RGSL1: variants seen among roughly 807,000 people sequenced by gnomAD.
RGSL1 encodes regulator of G protein signaling like 1.
RGSL1 carries 97 observed loss-of-function variants against 124.7 expected under a neutral mutation model. The ratio of observed to expected loss-of-function variants is 0.78; its 90% confidence interval spans 0.66 to 0.92. The LOEUF (loss-of-function observed/expected upper bound fraction) is 0.92. RGSL1 is among the 40% of genes least tolerant of loss of function. The probability of loss-of-function intolerance (pLI) is 0.00; values close to 1 mark genes in which losing one functional copy is unlikely to be tolerated. For missense variants in RGSL1, 1,233 were observed against 1,288.4 expected (o/e 0.96, Z 0.66); for synonymous variants, 424 against 438.1 (o/e 0.97, Z 0.40).
intron 3 of RGSL1, 88 bp from the exon 4 acceptor site, chr1:182,459,916 A>G: frequency 6.9e-7 from 1 of 1,455,096 alleles, no homozygotes. Flanking sequence ...TGCAAGTGTG[A>G]GGTGATTAGT....
intron 6 of RGSL1, among the ~76,000 whole-genome samples, chr1:182,483,377 A>G (rs541092748): frequency 6.6e-6 from 1 of 152,282 alleles, no homozygotes; most frequent in East Asian, 1.9e-4. Context: ...AGAGACATCA[A>G]GTTGTATACA....
intron 9 of RGSL1, among the ~76,000 whole-genome samples, chr1:182,519,994 A>G (rs1165967460): frequency 6.6e-6 from 1 of 152,106 alleles, no homozygotes. Context: ...TTTAAAGTTC[A>G]TATTTGACTT....
chr1:182,517,460 ATCT>A (rs1038419545), intron 9 of RGSL1, among the ~76,000 whole-genome samples: 1 of 151,982 alleles, frequency 6.6e-6, no homozygotes, highest in Non-Finnish European at 1.5e-5. Flanking sequence ...TTTTAAATAA[ATCT>A]TCTATCCCTT....
intron 6 of RGSL1, among the ~76,000 whole-genome samples, chr1:182,487,387 C>T (rs535044844): frequency 1.3e-5 from 2 of 152,304 alleles, no homozygotes; most frequent in Non-Finnish European, 2.9e-5. Flanking sequence ...CTTCCCCATC[C>T]CTGGGCTCTT....
intron 9 of RGSL1, among the ~76,000 whole-genome samples, chr1:182,518,657 T>C (rs1351360935): frequency 6.6e-6 from 1 of 152,198 alleles, no homozygotes. Context: ...ATCTCACTTT[T>C]TGCATTGTAG....
chr1:182,458,385 T>C lies in RGSL1; in HGVS notation c.163T>C (p.Cys55Arg). 1.3e-6 allele frequency: 2 copies of C among 1,551,630 alleles called. No individual in the cohort carries two copies. The highest frequency in any genetic ancestry group is 1.2e-5 in the South Asian group (1 of 84,042). The change falls in exon 3 of 22, where the codon TGT becomes CGT. Residue 55 changes from cysteine (C) to arginine (R), a missense_variant. Cys to Arg is a radical substitution (Grantham distance 180). Transcript: ENST00000294854. ...GTGGAGCTTGTGGCCAGAAATACCT[T>C]GTAACTTGGTGAGTAAAATTCTTCA... ...SQWSLWPEIP[C>R]NLIAKYKGLL... is the part of the protein sequence containing the mutation.
chr1:182,457,259 C>T (rs1460639706), intron 2 of RGSL1, among the ~76,000 whole-genome samples: 1 of 152,180 alleles, frequency 6.6e-6, no homozygotes, highest in Non-Finnish European at 1.5e-5. Context: ...GATGTGTTTT[C>T]CACATTAGCC....
chr1:182,478,430 G>A (rs1050903226), intron 6 of RGSL1, among the ~76,000 whole-genome samples: 3 of 152,176 alleles, frequency 2.0e-5, no homozygotes, highest in African/African-American at 7.2e-5. Flanking sequence ...TCAATAAAGA[G>A]CTTCAACAGC....
intron 9 of RGSL1, among the ~76,000 whole-genome samples, chr1:182,508,588 T>C (rs1476389475): frequency 6.6e-6 from 1 of 151,762 alleles, no homozygotes; most frequent in Non-Finnish European, 1.5e-5. Context: ...CGTGAGCCAC[T>C]GCACCCGGCT....
At chr1:182,483,166 C>A (rs1417148831) in intron 6 of RGSL1, among the ~76,000 whole-genome samples, 1 of 152,052 alleles carries the variant, frequency 6.6e-6, no homozygotes, top group African/African-American at 2.4e-5. Context: ...GATAAATTTA[C>A]TGTACAACAT....
rs1165596759 is a variant in RGSL1, at chr1:182,540,316, A to G, written c.2564A>G (p.Gln855Arg). Reference protein sequence around the residue: ...PPSTNVRSADQENGEITLVKR... With the variant: ...PPSTNVRSADRENGEITLVKR... ...TCCACAAATGTCCGGAGTGCAGACCAAGAGAATGGAGAAATAACCCTTGTA... is the reference window on the plus strand; with the variant it reads ...TCCACAAATGTCCGGAGTGCAGACCGAGAGAATGGAGAAATAACCCTTGTA... Residue 855 changes from glutamine to arginine, a missense_variant, in exon 15 of 22, where the codon CAA becomes CGA. Physicochemically the swap from Gln to Arg is conservative, Grantham distance 43 (BLOSUM62 1). Coordinates refer to ENST00000294854, the MANE Select transcript of RGSL1 (RefSeq NM_001137669.2). The G allele has an allele frequency of 6.4e-7, 1 of 1,551,602 alleles. No homozygotes were observed. Among genetic ancestry groups the G allele is most frequent in the Non-Finnish European group, 8.7e-7 (1 of 1,146,840 alleles).
At chr1:182,508,114 C>T (rs2102176247) in intron 9 of RGSL1, among the ~76,000 whole-genome samples, 1 of 152,178 alleles carries the variant, frequency 6.6e-6, no homozygotes, top group East Asian at 1.9e-4. Context: ...TACTATTTTT[C>T]ATACTGGCTG....
chr1:182,548,620 A>T, intron 16 of RGSL1, 80 bp from the exon 17 acceptor site: 1 of 1,531,298 alleles, frequency 6.5e-7, no homozygotes, highest in South Asian at 1.2e-5. Context: ...GGGGGTGGTC[A>T]TGGGGTTCTG....
intron 6 of RGSL1, 32 bp from the exon 7 acceptor site, chr1:182,488,253 C>T: frequency 6.5e-7 from 1 of 1,546,186 alleles, no homozygotes; most frequent in Non-Finnish European, 8.8e-7. Context: ...GACCATCCAC[C>T]TCATAATGCA....
intron 2 of RGSL1, among the ~76,000 whole-genome samples, chr1:182,457,210 C>A (rs926815116): frequency 6.6e-6 from 1 of 152,108 alleles, no homozygotes; most frequent in Non-Finnish European, 1.5e-5. Flanking sequence ...GAATCTAGGG[C>A]GGTTCTAGGA....
At chr1:182,466,984 A>T (rs2102017144) in intron 4 of RGSL1, among the ~76,000 whole-genome samples, 1 of 152,324 alleles carries the variant, frequency 6.6e-6, no homozygotes, top group East Asian at 1.9e-4. Flanking sequence ...AGACAAACAG[A>T]GAGCCAAATC....
intron 4 of RGSL1, among the ~76,000 whole-genome samples, chr1:182,465,451 CGG>C (rs1653225937): frequency 7.8e-6 from 1 of 128,368 alleles, no homozygotes; most frequent in African/African-American, 3.0e-5. Context: ...CATCACACAC[CGG>C]GGCCTATCAT....
At chr1:182,448,748 A>AG (rs1271183489), upstream of RGSL1, among the ~76,000 whole-genome samples, 1 of 152,202 alleles carries the variant, frequency 6.6e-6, no homozygotes, top group Non-Finnish European at 1.5e-5. Context: ...TGAAAGGGTC[A>AG]GGGATCTAAC....
At chr1:182,543,746 C>G (rs558830903) in intron 15 of RGSL1, among the ~76,000 whole-genome samples, 1 of 152,078 alleles carries the variant, frequency 6.6e-6, no homozygotes, top group African/African-American at 2.4e-5. Context: ...TTTCTATGTC[C>G]TCATGATTCA....
Sources: allele counts gnomAD v4.1 joint callset (sites outside exome capture counted in the v4.1 genomes callset), GRCh38; gene constraint gnomAD v4.1.1; transcripts MANE v1.5; gene names NCBI Gene and HGNC (gene_info 2026-07-23, HGNC 2026-07-21).